DYNC1I2: variants seen among roughly 807,000 people sequenced by gnomAD.
The protein encoded by DYNC1I2 is cytoplasmic dynein 1 intermediate chain 2.
Under a neutral mutation model 88.6 loss-of-function variants are expected in DYNC1I2, and 53 were observed. That is an observed-to-expected ratio of 0.60 (90% CI 0.48 to 0.75). The LOEUF (loss-of-function observed/expected upper bound fraction) is 0.75, where lower values mean the gene tolerates loss of function less well. Ranked by LOEUF, DYNC1I2 falls within the 30% of genes least tolerant of loss-of-function variation. The pLI is 0.00. For missense variants in DYNC1I2, 458 were observed against 766.6 expected (o/e 0.60, Z 4.75); for synonymous variants, 198 against 254.6 (o/e 0.78, Z 2.12).
rs75487499 is a variant in DYNC1I2 at position 171,695,533 on chromosome 2, A to G, written c.226+2639A>G. ...TCTTTTGTTTATTCCATGTTGCTATATACGTATTTAGTCATTTATTTCTAA... is the reference window on the plus strand; with the variant it reads ...TCTTTTGTTTATTCCATGTTGCTATGTACGTATTTAGTCATTTATTTCTAA... On this transcript the variant is annotated intron_variant, in intron 3 of 17. Transcript: ENST00000397119. Among the ~76,000 whole-genome samples the G allele has an allele frequency of 7.2e-4, 109 of 152,240 alleles. 3 individuals are homozygous for G. In the East Asian group the frequency reaches 0.019, roughly 27 times the overall value.
intron 3 of DYNC1I2, chr2:171,693,172 A>G (rs1210967674): frequency 2.7e-6 from 1 of 370,630 alleles, no homozygotes; most frequent in Non-Finnish European, 5.0e-6. Flanking sequence ...TGGTTAAGCA[A>G]GTTTTATGTG....
chr2:171,720,800 T>C (rs1293203583), intron 7 of DYNC1I2, among the ~76,000 whole-genome samples: 1 of 152,142 alleles, frequency 6.6e-6, no homozygotes, highest in African/African-American at 2.4e-5. Flanking sequence ...ATAAATTAGT[T>C]TTAACCCTCA....
Position 171,706,444 on chromosome 2 carries a change from A to G in DYNC1I2, c.227-103A>G, listed in dbSNP as rs566618242. The stretch of plus-strand genomic sequence containing the variant: ...TGTTAAAAGTTGAGGATCTAGGGGA[A>G]AGCACTTGCTGTTTATTTTATATAC... On this transcript the variant is annotated intron_variant, in intron 3 of 17. Transcript: ENST00000397119. The G allele has an allele frequency of 1.4e-5, 13 of 916,080 alleles. No homozygotes were observed. The Admixed American group carries it at 2.2e-4, about 16-fold the overall frequency. The allele number at this position is 916,080 out of a possible 1,614,324, so 56.7% of individuals were successfully genotyped here.
chr2:171,688,873 T>C (rs1207407308), intron 1 of DYNC1I2, among the ~76,000 whole-genome samples: 1 of 152,212 alleles, frequency 6.6e-6, no homozygotes, highest in Non-Finnish European at 1.5e-5. Flanking sequence ...CTCCTAGTTT[T>C]CTTGATCTAA....
At position 171,726,805 on chromosome 2, in the gene DYNC1I2, C is replaced by G; in HGVS notation, c.885C>G (p.Leu295=). The G allele has an allele frequency of 6.2e-7, 1 of 1,612,932 alleles. No homozygotes were observed. The highest frequency in any genetic ancestry group is 1.1e-5 in the South Asian group (1 of 91,028). The change falls in exon 11 of 18, where the codon CTC becomes CTG. Residue 295 remains leucine (L), a synonymous_variant. Transcript: ENST00000397119. ...LDWSSQYPEL[L]VASYNNNEDA... is the part of the protein sequence containing the mutation. Reference sequence around the variant, plus strand: ...CTTCTGAGCAGTATCCGGAGTTACTCGTGGCTTCCTATAACAACAATGAAG... The same window carrying G: ...CTTCTGAGCAGTATCCGGAGTTACTGGTGGCTTCCTATAACAACAATGAAG...
Position 171,728,367 on chromosome 2 carries a change from T to C in DYNC1I2, c.1206T>C (p.Ser402=). Residue 402 remains serine, a synonymous_variant, in exon 13 of 18, where the codon TCT becomes TCC. Transcript: ENST00000397119. The part of the protein sequence containing the change: ...TQNAHNLISI[S]TDGKICSWSL... Reference sequence around the variant, plus strand: ...ATGCTCACAATCTGATTAGCATCTCTACTGATGGAAAAATTTGTTCATGGA... The same window carrying C: ...ATGCTCACAATCTGATTAGCATCTCCACTGATGGAAAAATTTGTTCATGGA... The C allele has an allele frequency of 6.2e-7, 1 of 1,605,920 alleles. No homozygotes were observed. The highest frequency in any genetic ancestry group is 8.5e-7 in the Non-Finnish European group (1 of 1,175,818).
At chr2:171,741,152 A>G (rs535687703) in intron 15 of DYNC1I2, among the ~76,000 whole-genome samples, 5 of 152,160 alleles carry the variant, frequency 3.3e-5, no homozygotes, top group African/African-American at 9.7e-5. Context: ...TGTTCCTTTT[A>G]TAGCTGAATG....
chr2:171,701,757 A>G (rs977006007), intron 3 of DYNC1I2, among the ~76,000 whole-genome samples: 89 of 152,312 alleles, frequency 5.8e-4, no homozygotes, highest in African/African-American at 2.0e-3. Context: ...AAGGTAGCAT[A>G]TTTTATCTCC....
chr2:171,727,004 A>G (rs1688300958), intron 11 of DYNC1I2, 88 bp downstream of exon 11: 1 of 1,373,300 alleles, frequency 7.3e-7, no homozygotes, highest in Middle Eastern at 1.9e-4. Context: ...TCTTGTCAAC[A>G]TAATGATTTC....
At chr2:171,737,401 G>A (rs916304966) in intron 15 of DYNC1I2, among the ~76,000 whole-genome samples, 3 of 152,094 alleles carry the variant, frequency 2.0e-5, no homozygotes, top group Non-Finnish European at 4.4e-5. Flanking sequence ...TCAACTCAGC[G>A]TACAACCTTA....
Position 171,692,867 on chromosome 2 carries a change from A to G in DYNC1I2, c.199A>G (p.Met67Val), listed in dbSNP as rs768210171. 56 of 1,604,580 alleles carry G rather than the reference A, an allele frequency of 3.5e-5. No individual in the cohort carries two copies. The highest frequency in any genetic ancestry group is 4.7e-5 in the Non-Finnish European group (55 of 1,175,278). The change falls in exon 3 of 18, where the codon ATG becomes GTG. Residue 67 changes from methionine (M) to valine (V), a missense_variant. Transcript: ENST00000397119. ...RREAEALLQS[M>V]GLTPESPIVF... ...AGAAGCTGAAGCATTGCTTCAAAGC[A>G]TGGGGCTAACTCCAGAATCCCCCAT...
chr2:171,717,380 G>C (rs1213317031), intron 7 of DYNC1I2, among the ~76,000 whole-genome samples: 1 of 152,150 alleles, frequency 6.6e-6, no homozygotes, highest in Non-Finnish European at 1.5e-5. Context: ...CTCCCAAAGT[G>C]CTGGGATTAC....
At chr2:171,718,822 A>G (rs1334595911) in intron 7 of DYNC1I2, among the ~76,000 whole-genome samples, 1 of 152,182 alleles carries the variant, frequency 6.6e-6, no homozygotes, top group African/African-American at 2.4e-5. Context: ...GACACTTTAC[A>G]TCATCTGTAA....
At chr2:171,745,715 C>T in intron 16 of DYNC1I2, 87 bp from the exon 17 acceptor site, 1 of 1,377,648 alleles carries the variant, frequency 7.3e-7, no homozygotes, top group Non-Finnish European at 9.8e-7. Flanking sequence ...AAAATGTAGC[C>T]AGCTTGAGAG....
intron 2 of DYNC1I2, 106 bp from the exon 3 acceptor site, chr2:171,692,671 G>T: frequency 1.4e-6 from 1 of 696,274 alleles, no homozygotes; most frequent in Non-Finnish European, 2.4e-6. Context: ...TCAAAACTAA[G>T]TTCATGCCTT....
chr2:171,710,713 T>C (rs1307472762), intron 5 of DYNC1I2, among the ~76,000 whole-genome samples: 3 of 150,928 alleles, frequency 2.0e-5, no homozygotes, highest in African/African-American at 7.3e-5. Context: ...TTTTTTTTTT[T>C]CTTTTTTGAG....
At chr2:171,743,962 G>A in intron 15 of DYNC1I2, 87 bp from the exon 16 acceptor site, 2 of 1,190,758 alleles carry the variant, frequency 1.7e-6, no homozygotes, top group Non-Finnish European at 2.2e-6. Context: ...CCTGTTGAAT[G>A]TATGTCATTT....
At chr2:171,718,017 T>C (rs1409004124) in intron 7 of DYNC1I2, among the ~76,000 whole-genome samples, 2 of 150,460 alleles carry the variant, frequency 1.3e-5, no homozygotes, top group Non-Finnish European at 3.0e-5. Flanking sequence ...AGTGCAGTGG[T>C]GCCATCGTAG....
intron 14 of DYNC1I2, 120 bp downstream of exon 14, chr2:171,728,970 T>C (rs1246324805): frequency 1.8e-6 from 2 of 1,126,900 alleles, no homozygotes; most frequent in Admixed American, 6.6e-5. Flanking sequence ...ACAGATTTTT[T>C]GTGTTCAGGC....
Sources: allele counts gnomAD v4.1 joint callset (sites outside exome capture counted in the v4.1 genomes callset), GRCh38; gene constraint gnomAD v4.1.1; transcripts MANE v1.5; gene names NCBI Gene and HGNC (gene_info 2026-07-23, HGNC 2026-07-21).